PIP5K1A: variants seen among roughly 807,000 people sequenced by gnomAD.
PIP5K1A encodes the protein phosphatidylinositol-4-phosphate 5-kinase type 1 alpha, also known as phosphatidylinositol 4-phosphate 5-kinase type-1 alpha.
Under a neutral mutation model 72.9 loss-of-function variants are expected in PIP5K1A, and 46 were observed. That is an observed-to-expected ratio of 0.63 (90% CI 0.50 to 0.81). The LOEUF is 0.81. Among genes scored for constraint, PIP5K1A ranks in the 30% least tolerant of loss-of-function variants. The pLI is 0.00. For synonymous variants in PIP5K1A, 228 were observed against 255.1 expected, an observed-to-expected ratio of 0.89 and a Z score of 1.01; for missense variants, 458 against 706.1, an observed-to-expected ratio of 0.65 and a Z score of 3.98.
At position 151,199,038 on chromosome 1, in the gene PIP5K1A, T is replaced by C. The variant is rs755912628; in HGVS notation, c.42T>C (p.Phe14=). ...ASSGPSSSVG[F]SSFDPAVPSC... ...CCGGGCCGTCGTCTTCGGTCGGTTTTTCATCCTTTGATCCCGCGGTCCCTT... is the reference window on the plus strand; with the variant it reads ...CCGGGCCGTCGTCTTCGGTCGGTTTCTCATCCTTTGATCCCGCGGTCCCTT... The change falls in exon 1 of 16, where the codon TTT becomes TTC. Residue 14 remains phenylalanine, a synonymous_variant. Transcript: ENST00000368888. 21 of 1,614,192 alleles carry C rather than the reference T, an allele frequency of 1.3e-5. No homozygotes were observed. The highest frequency in any genetic ancestry group is 1.8e-5 in the Non-Finnish European group (21 of 1,180,042).
At chr1:151,215,973 CTG>C in intron 1 of PIP5K1A, 1 of 1,303,360 alleles carries the variant, frequency 7.7e-7, no homozygotes, top group Non-Finnish European at 1.0e-6. Context: ...TTTCAACTTT[CTG>C]TGCTGTGGGG....
At chr1:151,231,597 TC>T in intron 4 of PIP5K1A, 73 bp from the exon 5 acceptor site, 3 of 1,318,668 alleles carry the variant, frequency 2.3e-6, no homozygotes, top group Non-Finnish European at 3.3e-6. Flanking sequence ...CCTTCTAGCT[TC>T]CCCTTTCTGA....
At chr1:151,207,595 G>A (rs142042730) in intron 1 of PIP5K1A, among the ~76,000 whole-genome samples, 4 of 149,318 alleles carry the variant, frequency 2.7e-5, no homozygotes, top group South Asian at 2.1e-4. Flanking sequence ...GCAGTGGCGT[G>A]ATCTCGGCTC....
intron 1 of PIP5K1A, among the ~76,000 whole-genome samples, chr1:151,209,260 A>G (rs1027998316): frequency 5.3e-5 from 8 of 151,828 alleles, no homozygotes; most frequent in Admixed American, 5.3e-4. Context: ...ATTATATTGT[A>G]AGGGATCTTG....
At chr1:151,246,992 G>A in intron 15 of PIP5K1A, 27 bp downstream of exon 15, 1 of 1,595,920 alleles carries the variant, frequency 6.3e-7, no homozygotes, top group Non-Finnish European at 8.6e-7. Flanking sequence ...TGTGGGAGGT[G>A]AACGTTTTGC....
chr1:151,230,069 CAG>C (rs1219711391), intron 4 of PIP5K1A, among the ~76,000 whole-genome samples: 2 of 151,810 alleles, frequency 1.3e-5, no homozygotes, highest in African/African-American at 4.8e-5. Context: ...GCCTGGGCGA[CAG>C]AGCGAGACTC....
chr1:151,220,669 G>C (rs1446824649), intron 1 of PIP5K1A, among the ~76,000 whole-genome samples: 2 of 152,128 alleles, frequency 1.3e-5, no homozygotes, highest in Non-Finnish European at 2.9e-5. Context: ...GTTTCGCCAT[G>C]TTGGCAAGGC....
intron 1 of PIP5K1A, among the ~76,000 whole-genome samples, chr1:151,208,454 G>T (rs587762759): frequency 2.7e-5 from 4 of 147,850 alleles, no homozygotes; most frequent in Non-Finnish European, 5.9e-5. Flanking sequence ...TCCACTTCCC[G>T]CTTTCAAGCG....
intron 1 of PIP5K1A, among the ~76,000 whole-genome samples, chr1:151,206,379 A>ACT (rs1289304008): frequency 6.6e-6 from 1 of 152,122 alleles, no homozygotes; most frequent in African/African-American, 2.4e-5. Flanking sequence ...TACCTTGTAT[A>ACT]CTTAACTGAG....
At chr1:151,199,115 G>T (rs1344140132) in intron 1 of PIP5K1A, 34 bp downstream of exon 1, 5 of 1,613,568 alleles carry the variant, frequency 3.1e-6, no homozygotes, top group Non-Finnish European at 4.2e-6. Flanking sequence ...GGGAGCTGGT[G>T]AGGAATATGC....
At chr1:151,197,284 GT>G (rs1189852917), upstream of PIP5K1A, among the ~76,000 whole-genome samples, 21 of 150,672 alleles carry the variant, frequency 1.4e-4, no homozygotes, top group East Asian at 2.9e-3. Flanking sequence ...TTGTTTGTTT[GT>G]TTTGTTTTGT....
intron 4 of PIP5K1A, among the ~76,000 whole-genome samples, chr1:151,228,793 C>T (rs1689542395): frequency 6.6e-6 from 1 of 152,104 alleles, no homozygotes; most frequent in Non-Finnish European, 1.5e-5. Flanking sequence ...TCCCAAGTAG[C>T]AGAGGTGGAC....
In PIP5K1A at chr1:151,198,685, G is replaced by A. The variant is rs991520910; in HGVS notation, c.-312G>A. On this transcript the variant is annotated 5_prime_UTR_variant, in exon 1 of 16. Transcript: ENST00000368888. The stretch of plus-strand genomic sequence containing the variant: ...TCGTTTTTTTTTCAGATGTGGCTTG[G>A]TCTGGGCGCAAGGTCCCAGCAGCCA... The A allele has an allele frequency of 2.4e-6, 1 of 414,976 alleles. No homozygotes were observed. The highest frequency in any genetic ancestry group is 2.0e-5 in the African/African-American group (1 of 50,324). 25.7% of individuals were successfully genotyped at this position (414,976 alleles called of 1,614,324 possible). A position where few individuals can be genotyped will look rare whatever the true frequency, so the allele number is the denominator to read the frequency against.
intron 1 of PIP5K1A, among the ~76,000 whole-genome samples, chr1:151,216,751 A>G (rs1296325539): frequency 6.6e-6 from 1 of 152,200 alleles, no homozygotes; most frequent in Non-Finnish European, 1.5e-5. Context: ...TAGAGCATTT[A>G]TTATAGATTA....
At chr1:151,199,243 G>C in intron 1 of PIP5K1A, 162 bp downstream of exon 1, 1 of 1,363,938 alleles carries the variant, frequency 7.3e-7, no homozygotes, top group Non-Finnish European at 9.8e-7. Context: ...GCAGGAGTTT[G>C]AGGAAAGGAT....
upstream of PIP5K1A, chr1:151,198,117 G>A: frequency 2.1e-6 from 1 of 470,428 alleles, no homozygotes; most frequent in Non-Finnish European, 4.4e-6. Flanking sequence ...TTCCGAGGAA[G>A]GTAAGACATG....
chr1:151,201,161 C>T (rs996353496), intron 1 of PIP5K1A, among the ~76,000 whole-genome samples: 2 of 152,072 alleles, frequency 1.3e-5, no homozygotes, highest in African/African-American at 4.8e-5. Context: ...TAGAGTAGCT[C>T]CTTAATTTGA....
upstream of PIP5K1A, among the ~76,000 whole-genome samples, chr1:151,196,852 C>A (rs1167903934): frequency 7.8e-6 from 1 of 128,552 alleles, no homozygotes; most frequent in Non-Finnish European, 1.6e-5. Context: ...TGAGCCACTG[C>A]GCCCGGCCTT....
At chr1:151,201,969 G>A (rs1269777856) in intron 1 of PIP5K1A, among the ~76,000 whole-genome samples, 1 of 152,152 alleles carries the variant, frequency 6.6e-6, no homozygotes, top group Non-Finnish European at 1.5e-5. Context: ...TGCTCCAATA[G>A]CAAAAGTAGT....
Sources: allele counts gnomAD v4.1 joint callset (sites outside exome capture counted in the v4.1 genomes callset), GRCh38; gene constraint gnomAD v4.1.1; transcripts MANE v1.5; gene names NCBI Gene and HGNC (gene_info 2026-07-23, HGNC 2026-07-21).